CACNA2D1: variants seen among roughly 807,000 people sequenced by gnomAD.
CACNA2D1 encodes voltage-dependent calcium channel subunit alpha-2/delta-1.
In CACNA2D1, 53 loss-of-function variants were observed where a neutral mutation model predicts 171.5. The observed-to-expected ratio is 0.31, with a 90% CI of 0.25 to 0.39. The LOEUF is 0.39. Among genes scored for constraint, CACNA2D1 ranks in the 10% least tolerant of loss-of-function variants. The pLI is 1.00. For synonymous variants in CACNA2D1, 442 were observed against 443.1 expected, an observed-to-expected ratio of 1.00 and a Z score of 0.03; for missense variants, 903 against 1,299.8, an observed-to-expected ratio of 0.69 and a Z score of 4.69.
At chr7:82,304,165 G>A (rs1362704121) in intron 3 of CACNA2D1, among the ~76,000 whole-genome samples, 2 of 151,866 alleles carry the variant, frequency 1.3e-5, no homozygotes, top group African/African-American at 4.8e-5. Flanking sequence ...CCAGCTAGAA[G>A]GACTATTAAT....
At chr7:82,169,469 C>G (rs1452323949) in intron 4 of CACNA2D1, among the ~76,000 whole-genome samples, 1 of 151,856 alleles carries the variant, frequency 6.6e-6, no homozygotes, top group Admixed American at 6.6e-5. Context: ...AAGTGATAAA[C>G]AGTAAAAATA....
intron 3 of CACNA2D1, among the ~76,000 whole-genome samples, chr7:82,282,715 A>G (rs1810281690): frequency 2.0e-5 from 3 of 148,790 alleles, no homozygotes; most frequent in African/African-American, 7.6e-5. Context: ...GGGGGGGGGA[A>G]TCACAGAGGG....
At chr7:82,004,122 A>C (rs1433530843) in intron 18 of CACNA2D1, among the ~76,000 whole-genome samples, 1 of 152,196 alleles carries the variant, frequency 6.6e-6, no homozygotes, top group East Asian at 1.9e-4. Context: ...TACAAAGCCC[A>C]AACAATAATA....
chr7:82,367,659 T>G (rs893024221), intron 1 of CACNA2D1, among the ~76,000 whole-genome samples: 1 of 152,100 alleles, frequency 6.6e-6, no homozygotes, highest in Non-Finnish European at 1.5e-5. Context: ...TGAGATAAAA[T>G]AGTTGCCTAG....
intron 1 of CACNA2D1, among the ~76,000 whole-genome samples, chr7:82,378,937 TCGTGTGTGTGTG>T (rs1823340485): frequency 9.2e-6 from 1 of 108,514 alleles, no homozygotes; most frequent in African/African-American, 3.8e-5. Context: ...AGGGGTTGAC[TCGTGTGTGTGTG>T]TGTGTGTGTG....
intron 3 of CACNA2D1, among the ~76,000 whole-genome samples, chr7:82,190,020 T>C (rs1798138722): frequency 6.6e-6 from 1 of 151,930 alleles, no homozygotes; most frequent in Non-Finnish European, 1.5e-5. Flanking sequence ...AATAATTAGG[T>C]AACCCTACTT....
At chr7:81,967,327 A>G in intron 30 of CACNA2D1, 120 bp from the exon 31 acceptor site, 1 of 855,680 alleles carries the variant, frequency 1.2e-6, no homozygotes, top group South Asian at 1.5e-5. Context: ...AAGATTAAAC[A>G]GTCTAGTCTA....
intron 1 of CACNA2D1, among the ~76,000 whole-genome samples, chr7:82,440,821 T>TA (rs1830444990): frequency 6.6e-6 from 1 of 151,600 alleles, no homozygotes; most frequent in Non-Finnish European, 1.5e-5. Flanking sequence ...CTCTATATTT[T>TA]TAAAAAAAAA....
intron 18 of CACNA2D1, among the ~76,000 whole-genome samples, chr7:81,999,350 G>A (rs1461641861): frequency 6.6e-6 from 1 of 152,150 alleles, no homozygotes. Context: ...AAGAGAGGCT[G>A]AAGAACTGGA....
intron 10 of CACNA2D1, among the ~76,000 whole-genome samples, chr7:82,053,726 G>A (rs990509428): frequency 1.3e-5 from 2 of 152,080 alleles, no homozygotes; most frequent in Non-Finnish European, 2.9e-5. Flanking sequence ...CATTAATTGT[G>A]CGTGTTTCAA....
At chr7:81,970,087 G>A in intron 27 of CACNA2D1, 103 bp from the exon 28 acceptor site, 9 of 749,074 alleles carry the variant, frequency 1.2e-5, no homozygotes. Context: ...TACATCTCAG[G>A]TATGTCTAAA....
At chr7:82,394,261 T>C (rs1220425395) in intron 1 of CACNA2D1, among the ~76,000 whole-genome samples, 1 of 150,698 alleles carries the variant, frequency 6.6e-6, no homozygotes, top group Non-Finnish European at 1.5e-5. Flanking sequence ...TCTTTATAAA[T>C]CTTATAGAGC....
At chr7:82,421,404 T>C (rs773088951) in intron 1 of CACNA2D1, among the ~76,000 whole-genome samples, 7 of 152,218 alleles carry the variant, frequency 4.6e-5, no homozygotes, top group South Asian at 2.1e-4. Flanking sequence ...CAGAGATTTA[T>C]CTGTGCTAAT....
chr7:82,299,707 G>A (rs569284103), intron 3 of CACNA2D1, among the ~76,000 whole-genome samples: 1 of 151,046 alleles, frequency 6.6e-6, no homozygotes, highest in East Asian at 1.9e-4. Flanking sequence ...TAATTTCAAA[G>A]TGTCTTCACT....
rs114105994 is a variant in CACNA2D1, at chr7:82,073,507, A to G, written c.659-6983T>C. Among the ~76,000 whole-genome samples the G allele has an allele frequency of 5.4e-3, 826 of 152,328 alleles. 6 individuals carry two copies. The highest frequency in any genetic ancestry group is 0.019 in the African/African-American group (796 of 41,564). ...TGGAAGAAGGTAAAATTCACTATCT[A>G]TTGTAATATACATAAAAACAAAATT... On this transcript the variant is annotated intron_variant, in intron 7 of 38. Transcript: ENST00000356860.
intron 3 of CACNA2D1, among the ~76,000 whole-genome samples, chr7:82,266,524 C>A (rs1025110914): frequency 6.6e-6 from 1 of 151,066 alleles, no homozygotes; most frequent in Non-Finnish European, 1.5e-5. Context: ...GTTTTCAACT[C>A]TTTTTTTTTG....
In CACNA2D1 at chr7:82,185,427, A is replaced by C. The variant is rs66512672; in HGVS notation, c.295-14818T>G. On this transcript the variant is annotated intron_variant, in intron 3 of 38. Transcript: ENST00000356860. ...GGAGCAATGTTACTATCAATAAGAAAAATAAATATCAACAATGGAACAAAG... is the reference window on the plus strand; with the variant it reads ...GGAGCAATGTTACTATCAATAAGAACAATAAATATCAACAATGGAACAAAG... Among the ~76,000 whole-genome samples, 4 of 135,482 alleles carry C rather than the reference A, an allele frequency of 3.0e-5. No homozygotes were observed. The East Asian group carries it at 9.5e-4, about 32-fold the overall frequency. The allele number at this position is 135,482 out of a possible 152,430, so 88.9% of individuals were successfully genotyped here.
chr7:82,012,237 A>G lies in CACNA2D1; in HGVS notation c.1279T>C (p.Leu427=), dbSNP rs37133. The G allele has an allele frequency of 4.1e-3, 6,502 of 1,578,384 alleles. 217 individuals carry two copies. The African/African-American group carries it at 0.072, about 17-fold the overall frequency. Residue 427 remains leucine (L), a synonymous_variant, in exon 15 of 39, where the codon TTG becomes CTG. Transcript: ENST00000356860. ...GAIRINTQEY[L]DVLGRPMVLA... ...ACCATTGGTCTTCCCAAAACATCCA[A>G]ATATTCCTGTTTATGGGAAAAAAAA...
At chr7:82,136,359 A>G (rs1791605124) in intron 5 of CACNA2D1, among the ~76,000 whole-genome samples, 1 of 152,186 alleles carries the variant, frequency 6.6e-6, no homozygotes, top group Non-Finnish European at 1.5e-5. Context: ...AATGGAGTCC[A>G]GAGTATCACA....
Sources: allele counts gnomAD v4.1 joint callset (sites outside exome capture counted in the v4.1 genomes callset), GRCh38; gene constraint gnomAD v4.1.1; transcripts MANE v1.5; gene names NCBI Gene and HGNC (gene_info 2026-07-23, HGNC 2026-07-21).